Variants in TET2 observed in about 807,000 individuals in gnomAD.
The protein encoded by TET2 is methylcytosine dioxygenase TET2.
In TET2, 299 loss-of-function variants were observed where a neutral mutation model predicts 142.9. That is an observed-to-expected ratio of 2.09 (90% CI 1.90 to 2.30). The LOEUF (loss-of-function observed/expected upper bound fraction) is 2.30. Among genes scored for constraint, TET2 ranks in the 30% most tolerant of loss-of-function variants. The probability of loss-of-function intolerance (pLI) is 0.00; values close to 1 mark genes in which losing one functional copy is unlikely to be tolerated. For missense variants in TET2, 2,418 were observed against 2,378.0 expected (o/e 1.02, Z -0.35); for synonymous variants, 819 against 849.0 (o/e 0.96, Z 0.61).
At chr4:105,194,570 T>A (rs931681437) in intron 2 of TET2, among the ~76,000 whole-genome samples, 1 of 152,176 alleles carries the variant, frequency 6.6e-6, no homozygotes, top group African/African-American at 2.4e-5. Flanking sequence ...ACTTTAAGAC[T>A]TCATTGTTAC....
chr4:105,261,543 AAATC>A (rs1255951635), intron 7 of TET2, among the ~76,000 whole-genome samples: 2 of 152,056 alleles, frequency 1.3e-5, no homozygotes, highest in African/African-American at 4.8e-5. Context: ...TGCAGTTAGA[AAATC>A]AATCTTATGA....
rs2110255044 is a variant in TET2, at chr4:105,243,648, G to C, written c.3673G>C (p.Val1225Leu). The change falls in exon 6 of 11, where the codon GTG becomes CTG. Residue 1225 changes from valine (V) to leucine (L), a missense_variant. By Grantham distance (32) the Val-to-Leu change is conservative (BLOSUM62 1). Transcript: ENST00000380013. ...AGCTGGCCACACCTGTGAGGCTGCA[G>C]TGATTGTGATTCTCATCCTGGTGTG... Reference protein sequence around the residue: ...ERAGHTCEAAVIVILILVWEG... With the variant: ...ERAGHTCEAALIVILILVWEG... The C allele has an allele frequency of 6.4e-7, 1 of 1,551,634 alleles. No individual in the cohort carries two copies. The highest frequency in any genetic ancestry group is 1.4e-5 in the African/African-American group (1 of 73,152).
At chr4:105,183,129 C>T (rs1272831089) in intron 1 of TET2, among the ~76,000 whole-genome samples, 1 of 152,064 alleles carries the variant, frequency 6.6e-6, no homozygotes, top group Non-Finnish European at 1.5e-5. Flanking sequence ...TTTATTGATC[C>T]TCAATCTGTG....
chr4:105,277,228 G>GT lies in TET2; in HGVS notation c.*714dup, dbSNP rs1731267828. The GT allele has an allele frequency of 4.4e-6, 1 of 228,108 alleles. No homozygotes were observed. Among genetic ancestry groups the GT allele is most frequent in the African/African-American group, 2.2e-5 (1 of 45,118 alleles). 14.1% of individuals were successfully genotyped at this position (228,108 alleles called of 1,614,324 possible). A position where few individuals can be genotyped will look rare whatever the true frequency, so the allele number is the denominator to read the frequency against. ...ATAATAGGGGTACCTTTTCATTCAA[G>GT]TTTTTATCATAATTACCTATTCTTA... On this transcript the variant is annotated 3_prime_UTR_variant, in exon 11 of 11. Transcript: ENST00000380013.
chr4:105,239,371 T>C (rs544351428), intron 3 of TET2: 68 of 240,732 alleles, frequency 2.8e-4, no homozygotes, highest in Non-Finnish European at 4.7e-4. Flanking sequence ...GTTTCAATAG[T>C]AGGCTGTTTA....
chr4:105,238,473 T>C lies in TET2; in HGVS notation c.3409+1122T>C, dbSNP rs192022471. 413 of 249,882 alleles carry C rather than the reference T, an allele frequency of 1.7e-3. 1 individual carries two copies. Among genetic ancestry groups the C allele is most frequent in the Middle Eastern group, 7.6e-3 (6 of 794 alleles). 15.5% of individuals were successfully genotyped at this position (249,882 alleles called of 1,614,324 possible). A position where few individuals can be genotyped will look rare whatever the true frequency, so the allele number is the denominator to read the frequency against. On this transcript the variant is annotated intron_variant, in intron 3 of 10. Transcript: ENST00000380013. ...CAAACTGTGCTGCTGCTTTATCAAC[T>C]AAGTTTTTGTAATTTTCTGAATCCT...
At chr4:105,224,228 C>T (rs1728034812) in intron 2 of TET2, among the ~76,000 whole-genome samples, 1 of 151,890 alleles carries the variant, frequency 6.6e-6, no homozygotes, top group Admixed American at 6.6e-5. Flanking sequence ...AGCATATCTA[C>T]AGCTTTATGT....
intron 1 of TET2, among the ~76,000 whole-genome samples, chr4:105,173,257 C>A (rs115794885): frequency 6.6e-6 from 1 of 151,668 alleles, no homozygotes; most frequent in Admixed American, 6.6e-5. Flanking sequence ...TGGTGGCTCA[C>A]GCCTGTGATC....
chr4:105,173,633 A>G (rs142025443), intron 1 of TET2, among the ~76,000 whole-genome samples: 1,526 of 152,304 alleles, frequency 0.01, 11 homozygotes, highest in Non-Finnish European at 0.015. Context: ...TGAAAATGAC[A>G]TAATTTGCTA....
Position 105,237,092 on chromosome 4 carries a change from A to C in TET2, c.3150A>C (p.Ser1050=). 6.2e-7 allele frequency: 1 copy of C among 1,614,158 alleles called. No individual in the cohort carries two copies. The change falls in exon 3 of 11, where the codon TCA becomes TCC. Residue 1050 remains serine, a synonymous_variant. Transcript: ENST00000380013. The part of the protein sequence containing the change: ...LFDHKALTLK[S]QKQVKVEMSG... Reference sequence around the variant, plus strand: ...ACCATAAGGCTCTTACTCTCAAATCACAGAAGCAAGTAAAAGTTGAAATGT... The same window carrying C: ...ACCATAAGGCTCTTACTCTCAAATCCCAGAAGCAAGTAAAAGTTGAAATGT...
At chr4:105,183,405 T>C (rs1231918950) in intron 1 of TET2, among the ~76,000 whole-genome samples, 1 of 152,188 alleles carries the variant, frequency 6.6e-6, no homozygotes, top group Non-Finnish European at 1.5e-5. Context: ...ATAATTTTGC[T>C]TGTGTTTTTA....
intron 6 of TET2, among the ~76,000 whole-genome samples, chr4:105,247,778 G>T (rs1392022467): frequency 1.6e-5 from 2 of 128,588 alleles, no homozygotes; most frequent in Non-Finnish European, 3.1e-5. Flanking sequence ...CTGGAGTGCA[G>T]TGGCCCAATC....
At chr4:105,248,406 A>G (rs1470656564) in intron 6 of TET2, among the ~76,000 whole-genome samples, 3 of 152,238 alleles carry the variant, frequency 2.0e-5, no homozygotes, top group Non-Finnish European at 4.4e-5. Context: ...ATATTTTACA[A>G]TTAGAAGTCC....
In TET2 at chr4:105,276,574, G is replaced by C. The variant is rs1731234978; in HGVS notation, c.*55G>C. On this transcript the variant is annotated 3_prime_UTR_variant, in exon 11 of 11. Transcript: ENST00000380013. ...TGAAAAGACCACAACCAACCTGTCA[G>C]TAGTATAGTTCTCATGACGTGGGCA... is the stretch of plus-strand genomic sequence containing the variant. 7.3e-6 allele frequency: 11 copies of C among 1,501,762 alleles called. No individual in the cohort carries two copies. The highest frequency in any genetic ancestry group is 1.4e-5 in the African/African-American group (1 of 71,402). 93.0% of individuals were successfully genotyped at this position (1,501,762 alleles called of 1,614,324 possible). A position where few individuals can be genotyped will look rare whatever the true frequency, so the allele number is the denominator to read the frequency against.
intron 2 of TET2, among the ~76,000 whole-genome samples, chr4:105,212,321 C>A (rs565366268): frequency 1.3e-5 from 2 of 152,182 alleles, no homozygotes; most frequent in Non-Finnish European, 2.9e-5. Flanking sequence ...TGAGGTCCAG[C>A]AGACTTTCAG....
At position 105,234,770 on chromosome 4, in the gene TET2, C is replaced by A; in HGVS notation, c.828C>A (p.Ser276=). Residue 276 remains serine (S), a synonymous_variant, in exon 3 of 11, where the codon TCC becomes TCA. Transcript: ENST00000380013. The part of the protein sequence containing the change: ...HPSHTSGQIN[S]AQTSNSELPP... ...CGCATACCTCAGGGCAGATCAATTC[C>A]GCACAGACCTCTAACTCTGAGCTGC... is the stretch of plus-strand genomic sequence containing the variant. 1 of 1,613,820 alleles carries A rather than the reference C, an allele frequency of 6.2e-7. No individual in the cohort carries two copies. Among genetic ancestry groups the A allele is most frequent in the Non-Finnish European group, 8.5e-7 (1 of 1,179,914 alleles).
intron 9 of TET2, among the ~76,000 whole-genome samples, chr4:105,270,916 A>G (rs1730923164): frequency 6.6e-6 from 1 of 152,208 alleles, no homozygotes; most frequent in Non-Finnish European, 1.5e-5. Context: ...AAAAGCATTC[A>G]TGGAGGTATT....
intron 1 of TET2, among the ~76,000 whole-genome samples, chr4:105,150,005 C>T (rs964560659): frequency 2.0e-5 from 3 of 152,106 alleles, no homozygotes; most frequent in African/African-American, 7.2e-5. Flanking sequence ...TTAAAAGTTC[C>T]CTATCAATTC....
At chr4:105,249,024 A>G (rs1352951543) in intron 6 of TET2, among the ~76,000 whole-genome samples, 1 of 127,158 alleles carries the variant, frequency 7.9e-6, no homozygotes, top group Non-Finnish European at 1.6e-5. Flanking sequence ...TTGTCCACGT[A>G]TATATTCACA....
Sources: gnomAD v4.1 joint callset for allele counts (sites outside exome capture counted in the v4.1 genomes callset) on GRCh38, gnomAD v4.1.1 for gene constraint, MANE v1.5 for transcripts, NCBI Gene and HGNC (gene_info 2026-07-23, HGNC 2026-07-21) for gene names.